Variants in TMPRSS11E observed in about 807,000 individuals in gnomAD.
The protein encoded by TMPRSS11E is transmembrane protease serine 11E.
In TMPRSS11E, 38 loss-of-function variants were observed where a neutral mutation model predicts 48.1. The ratio of observed to expected loss-of-function variants is 0.79; its 90% confidence interval spans 0.61 to 1.04. The LOEUF (loss-of-function observed/expected upper bound fraction) is 1.04, where lower values mean the gene tolerates loss of function less well. TMPRSS11E is among the 50% of genes least tolerant of loss of function. The pLI, the probability that TMPRSS11E is intolerant of heterozygous loss-of-function variation, is 0.00. For synonymous variants in TMPRSS11E, 158 were observed against 171.9 expected, an observed-to-expected ratio of 0.92 and a Z score of 0.63; for missense variants, 530 against 510.8, an observed-to-expected ratio of 1.04 and a Z score of -0.36.
chr4:68,490,425 A>C (rs530703372), intron 9 of TMPRSS11E, among the ~76,000 whole-genome samples: 113 of 152,330 alleles, frequency 7.4e-4, no homozygotes, highest in African/African-American at 2.6e-3. Context: ...ACCATGCCTC[A>C]GCAGACATTG....
At chr4:68,458,684 CACTT>C (rs1728703602) in intron 1 of TMPRSS11E, among the ~76,000 whole-genome samples, 1 of 152,008 alleles carries the variant, frequency 6.6e-6, no homozygotes, top group African/African-American at 2.4e-5. Context: ...AGTATTGAAT[CACTT>C]ACTGAGAAAA....
intron 7 of TMPRSS11E, 87 bp downstream of exon 7, chr4:68,476,525 T>C (rs1004340928): frequency 2.2e-5 from 30 of 1,357,478 alleles, no homozygotes; most frequent in South Asian, 2.8e-5. Context: ...TTGGGAGATA[T>C]GAGTTTAGCA....
At chr4:68,461,528 T>C (rs1728789553) in intron 1 of TMPRSS11E, among the ~76,000 whole-genome samples, 1 of 152,234 alleles carries the variant, frequency 6.6e-6, no homozygotes, top group Admixed American at 6.5e-5. Context: ...ACAGGCACTT[T>C]ATATGTAGTA....
Position 68,461,905 on chromosome 4 carries a change from G to A in TMPRSS11E, c.96G>A (p.Leu32=). 6.2e-7 allele frequency: 1 copy of A among 1,614,122 alleles called. No individual in the cohort carries two copies. Among genetic ancestry groups the A allele is most frequent in the Non-Finnish European group, 8.5e-7 (1 of 1,180,006 alleles). ...TCATCTTCATATCCCTGATTGTCCT[G>A]GCAGTGTGCATTGGACTCACTGTTC... The part of the protein sequence containing the change: ...GLVIFISLIV[L]AVCIGLTVHY... Residue 32 remains leucine, a synonymous_variant, in exon 2 of 10, where the codon CTG becomes CTA. Transcript: ENST00000305363.
chr4:68,464,438 A>T (rs1728874204), intron 2 of TMPRSS11E, among the ~76,000 whole-genome samples: 1 of 152,178 alleles, frequency 6.6e-6, no homozygotes, highest in African/African-American at 2.4e-5. Flanking sequence ...TGAATCTGTT[A>T]TAAGCAACAT....
chr4:68,480,809 AC>A (rs1198293275), intron 9 of TMPRSS11E, among the ~76,000 whole-genome samples: 1 of 152,012 alleles, frequency 6.6e-6, no homozygotes, highest in East Asian at 1.9e-4. Context: ...GCTTCTTCCA[AC>A]TTTTATTTTA....
chr4:68,464,765 T>C (rs1449840873), intron 2 of TMPRSS11E, among the ~76,000 whole-genome samples: 3 of 152,214 alleles, frequency 2.0e-5, no homozygotes, highest in Non-Finnish European at 4.4e-5. Context: ...TTTAAGGGTG[T>C]AGAAGGGTCT....
intron 2 of TMPRSS11E, 72 bp from the exon 3 acceptor site, chr4:68,466,559 A>T: frequency 6.5e-7 from 1 of 1,537,628 alleles, no homozygotes; most frequent in Non-Finnish European, 8.9e-7. Context: ...AGCAACCACC[A>T]AGCGGGGATA....
At chr4:68,472,926 A>G (rs1451830215) in intron 5 of TMPRSS11E, among the ~76,000 whole-genome samples, 1 of 152,090 alleles carries the variant, frequency 6.6e-6, no homozygotes, top group Non-Finnish European at 1.5e-5. Flanking sequence ...TATGAGTTTA[A>G]TTGTTTATAT....
In TMPRSS11E at chr4:68,496,990, C is replaced by A; in HGVS notation, c.*186C>A. 1.8e-6 allele frequency: 1 copy of A among 555,858 alleles called. No homozygotes were observed. The highest frequency in any genetic ancestry group is 2.9e-5 in the South Asian group (1 of 34,818). The allele number at this position is 555,858 out of a possible 1,614,324, so 34.4% of individuals were successfully genotyped here. ...TCCGCACATAAGCATCCTGCTTCTG[C>A]CAGATCAACTCTGTCATCTGTGAGC... is the stretch of plus-strand genomic sequence containing the variant. On this transcript the variant is annotated 3_prime_UTR_variant, in exon 10 of 10. Coordinates refer to ENST00000305363, the MANE Select transcript of TMPRSS11E (RefSeq NM_014058.4).
At chr4:68,454,912 A>G (rs1260244399) in intron 1 of TMPRSS11E, among the ~76,000 whole-genome samples, 1 of 151,930 alleles carries the variant, frequency 6.6e-6, no homozygotes, top group Non-Finnish European at 1.5e-5. Context: ...AATCAAGGTA[A>G]CTGGGATGTC....
intron 9 of TMPRSS11E, among the ~76,000 whole-genome samples, chr4:68,489,262 C>T (rs1017826743): frequency 6.6e-6 from 1 of 152,138 alleles, no homozygotes; most frequent in Non-Finnish European, 1.5e-5. Flanking sequence ...GCATGCTGTA[C>T]CAGGCTGTAA....
chr4:68,484,410 G>A (rs986865521), intron 9 of TMPRSS11E, among the ~76,000 whole-genome samples: 9 of 152,008 alleles, frequency 5.9e-5, no homozygotes, highest in African/African-American at 1.7e-4. Context: ...GGGCTCAAGC[G>A]ATCCTCCCAC....
chr4:68,452,039 G>A (rs1398845582), intron 1 of TMPRSS11E, among the ~76,000 whole-genome samples: 1 of 151,868 alleles, frequency 6.6e-6, no homozygotes, highest in Non-Finnish European at 1.5e-5. Flanking sequence ...GACCTCTAAG[G>A]CCAGTGGATA....
intron 9 of TMPRSS11E, among the ~76,000 whole-genome samples, chr4:68,496,256 T>G (rs1729861467): frequency 6.6e-6 from 1 of 152,036 alleles, no homozygotes; most frequent in Non-Finnish European, 1.5e-5. Context: ...TTTTTTAAAA[T>G]CAGTAATAGA....
At chr4:68,479,073 C>A in intron 9 of TMPRSS11E, 82 bp downstream of exon 9, 1 of 1,540,734 alleles carries the variant, frequency 6.5e-7, no homozygotes, top group Non-Finnish European at 8.8e-7. Flanking sequence ...CAGGAAGTTG[C>A]AAAGATAGTA....
At chr4:68,491,654 C>T (rs1161340024) in intron 9 of TMPRSS11E, among the ~76,000 whole-genome samples, 2 of 152,178 alleles carry the variant, frequency 1.3e-5, no homozygotes, top group Admixed American at 1.3e-4. Context: ...GGGCCAATAA[C>T]TGGTTCCTTC....
At chr4:68,457,291 G>GA (rs1728659952) in intron 1 of TMPRSS11E, among the ~76,000 whole-genome samples, 1 of 151,998 alleles carries the variant, frequency 6.6e-6, no homozygotes, top group African/African-American at 2.4e-5. Context: ...ACAAACATAT[G>GA]AAAAAAAGCT....
chr4:68,472,224 A>G (rs1729092799), intron 5 of TMPRSS11E, among the ~76,000 whole-genome samples: 1 of 151,966 alleles, frequency 6.6e-6, no homozygotes, highest in South Asian at 2.1e-4. Context: ...GGAAATTAAG[A>G]TCTGGCTAAG....
Sources: gnomAD v4.1 joint callset for allele counts (sites outside exome capture counted in the v4.1 genomes callset) on GRCh38, gnomAD v4.1.1 for gene constraint, MANE v1.5 for transcripts, NCBI Gene and HGNC (gene_info 2026-07-23, HGNC 2026-07-21) for gene names.